The following KATNAL2 variants were observed in gnomAD, a reference collection of about 807,000 sequenced individuals.
The protein encoded by KATNAL2 is katanin catalytic subunit A1 like 2, also known as katanin p60 ATPase-containing subunit A-like 2.
In KATNAL2, 52 loss-of-function variants were observed where a neutral mutation model predicts 76.3. That is an observed-to-expected ratio of 0.68 (90% CI 0.55 to 0.86). KATNAL2 has a LOEUF of 0.86. Ranked by LOEUF, KATNAL2 falls within the 40% of genes least tolerant of loss-of-function variation. The pLI, the probability that KATNAL2 is intolerant of heterozygous loss-of-function variation, is 0.00. For synonymous variants in KATNAL2, 243 were observed against 244.2 expected, an observed-to-expected ratio of 1.00 and a Z score of 0.05; for missense variants, 660 against 668.9, an observed-to-expected ratio of 0.99 and a Z score of 0.15.
intron 15 of KATNAL2, among the ~76,000 whole-genome samples, chr18:47,094,943 C>A (rs1037809326): frequency 1.3e-5 from 2 of 152,044 alleles, no homozygotes; most frequent in African/African-American, 4.8e-5. Flanking sequence ...CAATCAAACC[C>A]CCTATTTTCA....
At chr18:47,039,597 C>A (rs2060894032) in intron 3 of KATNAL2, among the ~76,000 whole-genome samples, 1 of 152,102 alleles carries the variant, frequency 6.6e-6, no homozygotes, top group African/African-American at 2.4e-5. Flanking sequence ...GTGTAATTGA[C>A]CCTCCTCATC....
intron 15 of KATNAL2, among the ~76,000 whole-genome samples, chr18:47,081,199 T>G (rs528522977): frequency 6.6e-6 from 1 of 152,246 alleles, no homozygotes; most frequent in South Asian, 2.1e-4. Context: ...AAACTTCCCA[T>G]GTGTGTCTCA....
rs1020218084 is a variant in KATNAL2, at chr18:47,075,368, G to C, written c.1100G>C (p.Gly367Ala). The change falls in exon 14 of 18, where the codon GGG becomes GCG. Residue 367 changes from glycine (G) to alanine (A), a missense_variant and splice_region_variant. Physicochemically the swap from Gly to Ala is moderately conservative, Grantham distance 60. Transcript: ENST00000683218. ...SVMSQRGTAS[G>A]GEHEGSLRMK... ...ATGAGTCAGAGAGGCACAGCTTCTG[G>C]GTAACAGACAGGGTTGGGGTTTTTG... 1 of 1,524,586 alleles carries C rather than the reference G, an allele frequency of 6.6e-7. No individual in the cohort carries two copies. Among genetic ancestry groups the C allele is most frequent in the Non-Finnish European group, 8.8e-7 (1 of 1,142,412 alleles). 94.4% of individuals were successfully genotyped at this position (1,524,586 alleles called of 1,614,324 possible).
intron 3 of KATNAL2, chr18:47,033,042 C>T: frequency 6.2e-7 from 1 of 1,614,176 alleles, no homozygotes; most frequent in Non-Finnish European, 8.5e-7. Context: ...CTCGAATTGC[C>T]TTGGCCATCA....
chr18:47,052,594 C>G (rs993455940), intron 4 of KATNAL2, among the ~76,000 whole-genome samples: 7 of 152,184 alleles, frequency 4.6e-5, no homozygotes, highest in African/African-American at 1.4e-4. Flanking sequence ...GGTTGATTTA[C>G]TTATTTGACT....
intron 10 of KATNAL2, among the ~76,000 whole-genome samples, chr18:47,064,548 C>T (rs1198145479): frequency 3.9e-5 from 6 of 152,084 alleles, no homozygotes; most frequent in East Asian, 1.9e-4. Context: ...ATGGCTTGTT[C>T]TATGACAGTG....
At chr18:47,034,072 T>G in intron 3 of KATNAL2, 1 of 1,614,164 alleles carries the variant, frequency 6.2e-7, no homozygotes, top group South Asian at 1.1e-5. Context: ...TTTTCCAGTC[T>G]TTTTCTTTTG....
At position 47,101,637 on chromosome 18, in the gene KATNAL2, C is replaced by T. The variant is rs1462420273; in HGVS notation, c.*632C>T. The T allele has an allele frequency of 6.5e-6, 1 of 153,364 alleles. No homozygotes were observed. The highest frequency in any genetic ancestry group is 1.5e-5 in the Non-Finnish European group (1 of 68,834). The allele number at this position is 153,364 out of a possible 1,614,324, so 9.5% of individuals were successfully genotyped here. On this transcript the variant is annotated 3_prime_UTR_variant, in exon 18 of 18. Coordinates refer to ENST00000683218, the MANE Select transcript of KATNAL2 (RefSeq NM_001387690.1). The stretch of plus-strand genomic sequence containing the variant: ...ATAGCCAGGGTGACTAGCACACCAT[C>T]ACCATCAGCTGCCAGTCTGATTGTT...
At chr18:47,048,026 G>A (rs2061216002) in intron 4 of KATNAL2, among the ~76,000 whole-genome samples, 1 of 152,154 alleles carries the variant, frequency 6.6e-6, no homozygotes, top group Non-Finnish European at 1.5e-5. Context: ...CAATTAGGAT[G>A]ATTTTGTTCC....
At chr18:47,036,494 C>G (rs932447767) in intron 3 of KATNAL2, among the ~76,000 whole-genome samples, 2 of 152,100 alleles carry the variant, frequency 1.3e-5, no homozygotes, top group African/African-American at 2.4e-5. Context: ...TTTTGGTAGC[C>G]TTTGTTTTGT....
At chr18:47,068,574 A>T (rs1237560911) in intron 11 of KATNAL2, among the ~76,000 whole-genome samples, 4 of 152,230 alleles carry the variant, frequency 2.6e-5, no homozygotes, top group Non-Finnish European at 5.9e-5. Context: ...GATTAGCATG[A>T]AACTAATAGC....
rs527784733 is a variant in KATNAL2, at chr18:46,954,964, T to C, written c.51+8041T>C. Among the ~76,000 whole-genome samples the C allele has an allele frequency of 4.3e-4, 65 of 152,216 alleles. No individual in the cohort carries two copies. In the South Asian group the frequency reaches 6.0e-3, roughly 14 times the overall value. On this transcript the variant is annotated intron_variant, in intron 3 of 17. Coordinates refer to ENST00000683218, the MANE Select transcript of KATNAL2 (RefSeq NM_001387690.1). ...CACTGTGCCTGGCCTCTGCTTCTTA[T>C]TGGCTTCTTTCCCTGTAGGTGTTGG... is the stretch of plus-strand genomic sequence containing the variant.
intron 15 of KATNAL2, among the ~76,000 whole-genome samples, chr18:47,095,074 TCTA>T (rs1259446517): frequency 6.6e-6 from 1 of 152,208 alleles, no homozygotes; most frequent in Non-Finnish European, 1.5e-5. Context: ...GCTTCTCAGT[TCTA>T]CTAAGTTTCT....
At chr18:47,056,966 G>A (rs978296553) in intron 6 of KATNAL2, among the ~76,000 whole-genome samples, 1 of 151,902 alleles carries the variant, frequency 6.6e-6, no homozygotes. Flanking sequence ...GGTAGAGAAA[G>A]ACATTCTTAT....
At position 46,946,920 on chromosome 18, in the gene KATNAL2, A is replaced by T; in HGVS notation, c.48A>T (p.Glu16Asp). 6.5e-7 allele frequency: 1 copy of T among 1,528,736 alleles called. No homozygotes were observed. Among genetic ancestry groups the T allele is most frequent in the Non-Finnish European group, 8.8e-7 (1 of 1,140,134 alleles). The allele number at this position is 1,528,736 out of a possible 1,614,324, so 94.7% of individuals were successfully genotyped here. A position where few individuals can be genotyped will look rare whatever the true frequency, so the allele number is the denominator to read the frequency against. The change falls in exon 3 of 18, where the codon GAA (glutamate) becomes GAT (aspartate). Residue 16 changes from glutamate to aspartate, a missense_variant. Glu to Asp is a conservative substitution (Grantham distance 45). Coordinates refer to ENST00000683218, the MANE Select transcript of KATNAL2 (RefSeq NM_001387690.1). ...QTLKFTHQAR[E>D]ACEMRTEARR... Reference sequence around the variant, plus strand: ...TGAAATTCACGCATCAGGCGCGGGAAGCGGTAAGGAACGCATATATAAAAC... The same window carrying T: ...TGAAATTCACGCATCAGGCGCGGGATGCGGTAAGGAACGCATATATAAAAC...
intron 3 of KATNAL2, among the ~76,000 whole-genome samples, chr18:47,040,973 C>A (rs1158648783): frequency 6.6e-6 from 1 of 152,058 alleles, no homozygotes; most frequent in Admixed American, 6.6e-5. Flanking sequence ...ACATGATCTG[C>A]CAAGGAACTA....
chr18:46,938,549 C>T (rs1177195973), intron 1 of KATNAL2, among the ~76,000 whole-genome samples: 1 of 152,136 alleles, frequency 6.6e-6, no homozygotes, highest in Non-Finnish European at 1.5e-5. Context: ...CAAAATATAT[C>T]CTAACTCTGA....
chr18:46,947,848 A>G (rs906933453), intron 3 of KATNAL2, among the ~76,000 whole-genome samples: 1 of 152,126 alleles, frequency 6.6e-6, no homozygotes, highest in African/African-American at 2.4e-5. Context: ...TCCATCTTCT[A>G]GAAAAGGTTG....
intron 3 of KATNAL2, among the ~76,000 whole-genome samples, chr18:47,043,150 G>C (rs998216365): frequency 1.3e-5 from 2 of 149,776 alleles, no homozygotes; most frequent in Admixed American, 6.8e-5. Flanking sequence ...TGGCGTGAAC[G>C]CGGGAGGCGG....
Sources: allele counts gnomAD v4.1 joint callset (sites outside exome capture counted in the v4.1 genomes callset), GRCh38; gene constraint gnomAD v4.1.1; transcripts MANE v1.5; gene names NCBI Gene and HGNC (gene_info 2026-07-23, HGNC 2026-07-21).